The following KLHL14 variants were observed in gnomAD, a reference collection of about 807,000 sequenced individuals.
KLHL14 encodes kelch like family member 14.
A neutral mutation model predicts 64.3 loss-of-function variants in KLHL14; 22 were observed. That is an observed-to-expected ratio of 0.34 (90% CI 0.24 to 0.49). The LOEUF (loss-of-function observed/expected upper bound fraction) is 0.49, where lower values mean the gene tolerates loss of function less well. KLHL14 is among the 20% of genes least tolerant of loss of function. The pLI is 0.99. For synonymous variants in KLHL14, 322 were observed against 333.4 expected (o/e 0.97, Z 0.37); for missense variants, 661 against 789.0 (o/e 0.84, Z 1.94).
At position 32,763,942 on chromosome 18, in the gene KLHL14, C is replaced by T. The variant is rs564689840; in HGVS notation, c.947+5703G>A. Among the ~76,000 whole-genome samples, 108 of 152,136 alleles carry T rather than the reference C, an allele frequency of 7.1e-4. 1 individual carries two copies. Among genetic ancestry groups the T allele is most frequent in the Non-Finnish European group, 1.4e-3 (92 of 68,012 alleles). On this transcript the variant is annotated intron_variant, in intron 2 of 8. Transcript: ENST00000359358. ...AACCTACAATGGGGTAAGTATTTCTCCAGAGGTTGTTCACTTTGCAGAAGG... is the reference window on the plus strand; with the variant it reads ...AACCTACAATGGGGTAAGTATTTCTTCAGAGGTTGTTCACTTTGCAGAAGG...
rs7235260 is a variant in KLHL14, at chr18:32,772,400, C to T, written c.-44+267G>A. On this transcript the variant is annotated intron_variant, in intron 1 of 8. Coordinates refer to ENST00000359358, the MANE Select transcript of KLHL14 (RefSeq NM_020805.3). ...GAGTCTCTCTCCCTTTAAGAGGACC[C>T]GGTCATACCTCTCTCTAGCTCTCTC... 6.0e-3 allele frequency: 1,087 copies of T among 180,642 alleles called. 14 individuals carry two copies. Among genetic ancestry groups the T allele is most frequent in the African/African-American group, 0.025 (1,038 of 41,830 alleles). 11.2% of individuals were successfully genotyped at this position (180,642 alleles called of 1,614,324 possible).
chr18:32,765,950 A>G (rs1485081490), intron 2 of KLHL14, among the ~76,000 whole-genome samples: 1 of 152,098 alleles, frequency 6.6e-6, no homozygotes, highest in Non-Finnish European at 1.5e-5. Context: ...ATGGAACCCT[A>G]CATGGGACGT....
chr18:32,769,122 C>T (rs2050362672), intron 2 of KLHL14, among the ~76,000 whole-genome samples: 1 of 152,182 alleles, frequency 6.6e-6, no homozygotes, highest in Admixed American at 6.5e-5. Context: ...AGATCCCAGT[C>T]ATGAAGAAAC....
chr18:32,736,344 G>A (rs11660091), intron 3 of KLHL14, among the ~76,000 whole-genome samples: 1 of 152,070 alleles, frequency 6.6e-6, no homozygotes, highest in African/African-American at 2.4e-5. Flanking sequence ...AATTAGAATT[G>A]AGCTCATTGA....
At chr18:32,686,380 G>C (rs1179345971) in intron 5 of KLHL14, among the ~76,000 whole-genome samples, 2 of 151,990 alleles carry the variant, frequency 1.3e-5, no homozygotes, top group Admixed American at 1.3e-4. Context: ...TATTTGAAAA[G>C]AACCAAGTGT....
chr18:32,767,581 C>T (rs1223475477), intron 2 of KLHL14, among the ~76,000 whole-genome samples: 2 of 152,168 alleles, frequency 1.3e-5, no homozygotes, highest in Non-Finnish European at 2.9e-5. Flanking sequence ...CCCAGTGAAG[C>T]TGGAGGGTGT....
At chr18:32,678,572 C>A (rs2049822490) in intron 7 of KLHL14, among the ~76,000 whole-genome samples, 1 of 152,136 alleles carries the variant, frequency 6.6e-6, no homozygotes, top group Admixed American at 6.6e-5. Context: ...AGCACTTGGG[C>A]AAATTCCAGG....
rs185253225 is a variant in KLHL14 at position 32,701,956 on chromosome 18, G to T, written c.1070-6404C>A. ...TTTGTTGGAACCCATTTTTACATTT[G>T]TATCTTTGCCAGTATGGTGAGTGAA... On this transcript the variant is annotated intron_variant, in intron 3 of 8. Transcript: ENST00000359358. 2.0e-4 allele frequency among the ~76,000 whole-genome samples: 31 copies of T among 152,236 alleles called. No individual in the cohort carries two copies. The East Asian group carries it at 4.2e-3, about 21-fold the overall frequency.
At chr18:32,708,585 C>T (rs922309994) in intron 3 of KLHL14, among the ~76,000 whole-genome samples, 4 of 152,178 alleles carry the variant, frequency 2.6e-5, no homozygotes, top group Admixed American at 2.6e-4. Context: ...TTTCATCCTG[C>T]TCTCCCTTCT....
chr18:32,750,129 T>G (rs1381029986), intron 2 of KLHL14, among the ~76,000 whole-genome samples: 2 of 151,904 alleles, frequency 1.3e-5, no homozygotes, highest in African/African-American at 4.8e-5. Context: ...CATCATGACC[T>G]AATTACCTCC....
At chr18:32,708,122 C>G (rs1168047700) in intron 3 of KLHL14, among the ~76,000 whole-genome samples, 7 of 152,146 alleles carry the variant, frequency 4.6e-5, no homozygotes, top group Non-Finnish European at 1.0e-4. Flanking sequence ...GAAGCTCATT[C>G]AATAAACTGA....
At chr18:32,730,046 A>G (rs1281684227) in intron 3 of KLHL14, among the ~76,000 whole-genome samples, 2 of 152,364 alleles carry the variant, frequency 1.3e-5, no homozygotes, top group African/African-American at 4.8e-5. Flanking sequence ...TCTTAAAGTC[A>G]TGTATATCAC....
At chr18:32,761,731 T>C (rs2050315312) in intron 2 of KLHL14, among the ~76,000 whole-genome samples, 1 of 152,222 alleles carries the variant, frequency 6.6e-6, no homozygotes, top group Non-Finnish European at 1.5e-5. Flanking sequence ...GTCAGAAATG[T>C]GGCTGTCTTG....
At chr18:32,709,454 T>A (rs2050007603) in intron 3 of KLHL14, among the ~76,000 whole-genome samples, 1 of 151,720 alleles carries the variant, frequency 6.6e-6, no homozygotes, top group Admixed American at 6.6e-5. Context: ...CTTTAGAATT[T>A]TTTTTTTTTT....
chr18:32,680,631 A>C lies in KLHL14; in HGVS notation c.1239-32T>G, dbSNP rs2049834056. On this transcript the variant is annotated intron_variant, in intron 5 of 8. Transcript: ENST00000359358. The surrounding 1 kb of genome is among the most constrained non-coding windows in gnomAD (Gnocchi z 4.8). ...TGAAAAGAACCCACAGTAAATCACA[A>C]GAGGAGCTGTGAAATGTTACCTTTC... 1 of 1,562,574 alleles carries C rather than the reference A, an allele frequency of 6.4e-7. No homozygotes were observed. The highest frequency in any genetic ancestry group is 1.2e-5 in the South Asian group (1 of 86,840).
intron 3 of KLHL14, among the ~76,000 whole-genome samples, chr18:32,733,377 AAGAGAGAGAAAGG>A (rs1568077393): frequency 6.9e-6 from 1 of 145,000 alleles, no homozygotes; most frequent in African/African-American, 2.6e-5. Flanking sequence ...GAGAGAGAGA[AAGAGAGAGAAAGG>A]AGAGAGAGAG....
rs576948076 is a variant in KLHL14, at chr18:32,685,468, T to C, written c.1238+1687A>G. ...CATTTCAAACATGTATTGATAGTTG[T>C]TTTTTAAGTAAAACTTTTTGGAATA... On this transcript the variant is annotated intron_variant, in intron 5 of 8. Transcript: ENST00000359358. Among the ~76,000 whole-genome samples, 4 of 152,222 alleles carry C rather than the reference T, an allele frequency of 2.6e-5. No homozygotes were observed. The South Asian group carries it at 8.3e-4, about 32-fold the overall frequency.
chr18:32,752,158 C>T (rs2050256635), intron 2 of KLHL14, among the ~76,000 whole-genome samples: 1 of 152,038 alleles, frequency 6.6e-6, no homozygotes, highest in Admixed American at 6.6e-5. Context: ...CAAACACCAA[C>T]AACAAAGAAG....
chr18:32,682,660 C>T (rs1252482452), intron 5 of KLHL14, among the ~76,000 whole-genome samples: 1 of 152,100 alleles, frequency 6.6e-6, no homozygotes, highest in East Asian at 1.9e-4. Context: ...AATTAAGTGC[C>T]TGCAGATAAA....
Sources: gnomAD v4.1 joint callset for allele counts (sites outside exome capture counted in the v4.1 genomes callset) on GRCh38, gnomAD v4.1.1 for gene constraint, Gnocchi (gnomAD v3.1) non-coding constraint, MANE v1.5 for transcripts, NCBI Gene and HGNC (gene_info 2026-07-23, HGNC 2026-07-21) for gene names.